The following ACACB variants were observed in gnomAD, a reference collection of about 807,000 sequenced individuals.
ACACB encodes acetyl-CoA carboxylase 2.
Under a neutral mutation model 278.8 loss-of-function variants are expected in ACACB, and 209 were observed. That is an observed-to-expected ratio of 0.75 (90% CI 0.67 to 0.84). The LOEUF is 0.84. ACACB is among the 40% of genes least tolerant of loss of function. The pLI is 0.00. For missense variants in ACACB, 2,850 were observed against 3,269.0 expected (o/e 0.87, Z 3.13); for synonymous variants, 1,174 against 1,285.6 (o/e 0.91, Z 1.86).
At chr12:109,149,800 C>T (rs1439213826) in intron 2 of ACACB, among the ~76,000 whole-genome samples, 3 of 152,204 alleles carry the variant, frequency 2.0e-5, no homozygotes, top group Admixed American at 1.3e-4. Context: ...TGGTGAGATA[C>T]AGCCTCTGTC....
chr12:109,174,256 G>C, intron 7 of ACACB, 26 bp downstream of exon 7: 1 of 1,577,890 alleles, frequency 6.3e-7, no homozygotes, highest in Non-Finnish European at 8.6e-7. Flanking sequence ...CTTCCCTCTG[G>C]GGGAGCTTCT....
chr12:109,250,696 AGTG>A (rs1220790162), intron 41 of ACACB, among the ~76,000 whole-genome samples: 4 of 152,096 alleles, frequency 2.6e-5, no homozygotes, highest in Non-Finnish European at 5.9e-5. Flanking sequence ...TGGTGGTAGT[AGTG>A]GTGGTGGTAG....
chr12:109,216,366 C>A (rs2045998544), intron 22 of ACACB, among the ~76,000 whole-genome samples: 1 of 151,836 alleles, frequency 6.6e-6, no homozygotes, highest in Non-Finnish European at 1.5e-5. Flanking sequence ...GGACTACCGG[C>A]GCGTGCCACC....
At chr12:109,137,174 A>G (rs1378577731) in intron 1 of ACACB, among the ~76,000 whole-genome samples, 1 of 151,818 alleles carries the variant, frequency 6.6e-6, no homozygotes, top group Non-Finnish European at 1.5e-5. Context: ...ACTTTTCTTT[A>G]AAAAAAACAC....
At position 109,153,828 on chromosome 12, in the gene ACACB, A is replaced by G. The variant is rs572610279; in HGVS notation, c.654-13033A>G. ...CAGGTGTGCACCACCATGCCCGGCTAATTTTTGTATTATTAGTAGAGACAG... is the reference window on the plus strand; with the variant it reads ...CAGGTGTGCACCACCATGCCCGGCTGATTTTTGTATTATTAGTAGAGACAG... On this transcript the variant is annotated intron_variant, in intron 2 of 52. Transcript: ENST00000338432. 1.5e-3 allele frequency among the ~76,000 whole-genome samples: 221 copies of G among 152,074 alleles called. 1 individual carries two copies. The highest frequency in any genetic ancestry group is 5.0e-3 in the African/African-American group (207 of 41,484).
chr12:109,150,335 C>T (rs2043338901), intron 2 of ACACB, among the ~76,000 whole-genome samples: 1 of 152,184 alleles, frequency 6.6e-6, no homozygotes, highest in African/African-American at 2.4e-5. Flanking sequence ...TTCCAAAGTT[C>T]TTGCCTGTGC....
chr12:109,197,520 C>G (rs2045180344), intron 17 of ACACB, among the ~76,000 whole-genome samples: 1 of 152,092 alleles, frequency 6.6e-6, no homozygotes, highest in Admixed American at 6.6e-5. Context: ...CTCCTCCGTA[C>G]CAGGCGCTGT....
intron 24 of ACACB, among the ~76,000 whole-genome samples, chr12:109,222,294 CGAGTGAGT>C (rs112567037): frequency 6.6e-6 from 1 of 150,862 alleles, no homozygotes; most frequent in East Asian, 2.0e-4. Flanking sequence ...AATGGGTGGC[CGAGTGAGT>C]GAGTGAGTGA....
At chr12:109,234,501 T>G (rs1053047896) in intron 31 of ACACB, among the ~76,000 whole-genome samples, 6 of 152,118 alleles carry the variant, frequency 3.9e-5, no homozygotes, top group Admixed American at 1.3e-4. Flanking sequence ...CAAAAAAAAT[T>G]ATATATATTT....
intron 17 of ACACB, among the ~76,000 whole-genome samples, 192 bp from the exon 18 acceptor site, chr12:109,199,206 TAAGA>T (rs1424217261): frequency 6.6e-6 from 1 of 151,436 alleles, no homozygotes; most frequent in Non-Finnish European, 1.5e-5. Context: ...AAAAATAAAA[TAAGA>T]AAGCATCACA....
upstream of ACACB, among the ~76,000 whole-genome samples, chr12:109,114,784 C>A (rs554322418): frequency 4.9e-4 from 75 of 151,670 alleles, no homozygotes; most frequent in African/African-American, 1.5e-3. Context: ...CCCAGGAGTT[C>A]GAGGCTGCAG....
intron 42 of ACACB, 176 bp downstream of exon 42, chr12:109,252,332 A>T: frequency 2.1e-6 from 1 of 485,728 alleles, no homozygotes; most frequent in East Asian, 3.3e-5. Context: ...GAAAAAAAAA[A>T]TTAGTTTTAG....
At chr12:109,117,419 G>A (rs2042433722) in intron 1 of ACACB, among the ~76,000 whole-genome samples, 1 of 151,666 alleles carries the variant, frequency 6.6e-6, no homozygotes, top group Admixed American at 6.6e-5. Flanking sequence ...AGCGTTTGTA[G>A]TGGTCCTATA....
At chr12:109,247,931 A>T (rs2046992722) in intron 40 of ACACB, among the ~76,000 whole-genome samples, 1 of 152,232 alleles carries the variant, frequency 6.6e-6, no homozygotes. Context: ...ATAGCACGTC[A>T]TGTAGGGAGA....
intron 2 of ACACB, among the ~76,000 whole-genome samples, chr12:109,158,112 T>A (rs1386216621): frequency 4.6e-5 from 7 of 152,152 alleles, no homozygotes; most frequent in Non-Finnish European, 1.0e-4. Context: ...TATAAAGTTT[T>A]TCATGTCAGG....
intron 16 of ACACB, among the ~76,000 whole-genome samples, chr12:109,196,776 C>A (rs192280232): frequency 6.6e-6 from 1 of 152,144 alleles, no homozygotes; most frequent in African/African-American, 2.4e-5. Context: ...ACTATATAAG[C>A]GGCCATTAGC....
chr12:109,164,478 C>T (rs1004607137), intron 2 of ACACB, among the ~76,000 whole-genome samples: 1 of 152,098 alleles, frequency 6.6e-6, no homozygotes, highest in African/African-American at 2.4e-5. Flanking sequence ...GTGATCTACC[C>T]ACCTCAGCCT....
chr12:109,113,989 C>CT (rs1333524131), upstream of ACACB, among the ~76,000 whole-genome samples: 3 of 151,010 alleles, frequency 2.0e-5, no homozygotes, highest in African/African-American at 4.9e-5. Flanking sequence ...ATTTTTTTTT[C>CT]TTTTTTTTGC....
chr12:109,265,031 C>T (rs2047476549), intron 50 of ACACB, 79 bp from the exon 51 acceptor site: 2 of 1,480,216 alleles, frequency 1.4e-6, no homozygotes, highest in South Asian at 2.7e-5. Flanking sequence ...CCCGGGCAGC[C>T]ACTGTCATGG....
Sources: allele counts gnomAD v4.1 joint callset (sites outside exome capture counted in the v4.1 genomes callset), GRCh38; gene constraint gnomAD v4.1.1; transcripts MANE v1.5; gene names NCBI Gene and HGNC (gene_info 2026-07-23, HGNC 2026-07-21).